SSC5D: variants seen among roughly 807,000 people sequenced by gnomAD.
SSC5D encodes the protein soluble scavenger receptor cysteine-rich domain-containing protein SSC5D.
In SSC5D, 106 loss-of-function variants were observed where a neutral mutation model predicts 104.6. That is an observed-to-expected ratio of 1.01 (90% CI 0.87 to 1.19). SSC5D has a LOEUF of 1.19. Ranked by LOEUF, SSC5D falls within the 50% of genes most tolerant of loss-of-function variation. SSC5D has a pLI of 0.00. For missense variants in SSC5D, 1,993 were observed against 2,153.8 expected (o/e 0.93, Z 1.48); for synonymous variants, 860 against 883.5 (o/e 0.97, Z 0.47).
chr19:55,495,235 T>TATATA (rs35787509), intron 8 of SSC5D, among the ~76,000 whole-genome samples: 36 of 27,566 alleles, frequency 1.3e-3, no homozygotes, highest in African/African-American at 3.4e-3. Flanking sequence ...ATATATATAT[T>TATATA]TTTTTTTTTT....
chr19:55,504,102 C>T (rs1202895743), intron 12 of SSC5D: 1 of 1,534,986 alleles, frequency 6.5e-7, no homozygotes, highest in Non-Finnish European at 8.7e-7. Context: ...TTAGAGCTAT[C>T]ATTCCGTTTC....
intron 12 of SSC5D, among the ~76,000 whole-genome samples, chr19:55,509,078 C>G (rs1444751505): frequency 6.6e-6 from 1 of 152,116 alleles, no homozygotes; most frequent in African/African-American, 2.4e-5. Flanking sequence ...GAAAGAGAAC[C>G]ATTTAGAACC....
At chr19:55,513,213 T>C (rs1400462983) in intron 13 of SSC5D, 41 bp downstream of exon 13, 1 of 1,449,498 alleles carries the variant, frequency 6.9e-7, no homozygotes, top group Non-Finnish European at 9.1e-7. Flanking sequence ...GGACGGTATT[T>C]GTCCTGGGGT....
chr19:55,493,692 C>T lies in SSC5D; in HGVS notation c.993C>T (p.Asp331=), dbSNP rs1282650303. 6.6e-6 allele frequency: 10 copies of T among 1,511,156 alleles called. No individual in the cohort carries two copies. The highest frequency in any genetic ancestry group is 2.2e-5 in the Admixed American group (1 of 45,436). The allele number at this position is 1,511,156 out of a possible 1,614,324, so 93.6% of individuals were successfully genotyped here. A position where few individuals can be genotyped will look rare whatever the true frequency, so the allele number is the denominator to read the frequency against. The change falls in exon 7 of 14, where the codon GAC becomes GAT. Residue 331 remains aspartate (D), a synonymous_variant. Transcript: ENST00000389623. The part of the protein sequence containing the change: ...HGGRWGSVCD[D]AWDLRDAAVA... ...GTCGCTGGGGGTCGGTGTGTGACGA[C>T]GCCTGGGACCTGCGAGACGCCGCTG...
Position 55,515,736 on chromosome 19 carries a change from A to AT in SSC5D, c.2948-1488_2948-1487insT, listed in dbSNP as rs1228951286. On this transcript the variant is annotated intron_variant, in intron 13 of 13. Transcript: ENST00000389623. ...GACAGAGTGAGACTCCGTCTCAAAA[A>AT]AAAAAATAAAATAAAATAAAAGAAA... 1.1e-4 allele frequency among the ~76,000 whole-genome samples: 17 copies of AT among 149,490 alleles called. 1 individual carries two copies. The highest frequency in any genetic ancestry group is 8.3e-4 in the South Asian group (4 of 4,798).
chr19:55,507,493 C>T (rs1427539001), intron 12 of SSC5D, among the ~76,000 whole-genome samples: 3 of 150,568 alleles, frequency 2.0e-5, no homozygotes, highest in Non-Finnish European at 4.4e-5. Flanking sequence ...GGTGAAATCC[C>T]GTCTCTACTA....
In SSC5D at chr19:55,489,430, C is replaced by T. The variant is rs76206863; in HGVS notation, c.129C>T (p.Thr43=). The T allele has an allele frequency of 6.9e-3, 10,327 of 1,490,862 alleles. 654 individuals carry two copies. The East Asian group carries it at 0.18, about 25-fold the overall frequency. 92.4% of individuals were successfully genotyped at this position (1,490,862 alleles called of 1,614,324 possible). Residue 43 remains threonine, a synonymous_variant, in exon 3 of 14, where the codon ACC becomes ACT. Coordinates refer to ENST00000389623, the MANE Select transcript of SSC5D (RefSeq NM_001144950.2). ...TCTGGCATGGCGGGCGCTGGGGCAC[C>T]GTGTGTGATGACGGCTGGGACCTGC... ...LEVWHGGRWG[T]VCDDGWDLRD...
chr19:55,504,542 C>G (rs567847371), intron 12 of SSC5D, among the ~76,000 whole-genome samples: 1 of 152,168 alleles, frequency 6.6e-6, no homozygotes, highest in South Asian at 2.1e-4. Context: ...GCTCTGTCAC[C>G]CACGCTGGAG....
intron 6 of SSC5D, chr19:55,491,416 G>A (rs1346277546): frequency 3.3e-5 from 9 of 272,154 alleles, no homozygotes; most frequent in Middle Eastern, 1.1e-3. Flanking sequence ...GTCCTGGAAC[G>A]CAAGAAGCCC....
rs1336519069 is a variant in SSC5D, at chr19:55,493,740, C to T, written c.1041C>T (p.Cys347=). 18 of 1,522,852 alleles carry T rather than the reference C, an allele frequency of 1.2e-5. No individual in the cohort carries two copies. The highest frequency in any genetic ancestry group is 1.8e-4 in the Middle Eastern group (1 of 5,598). 94.3% of individuals were successfully genotyped at this position (1,522,852 alleles called of 1,614,324 possible). ...DAAVACRELG[C]GGALAAPGGA... ...CTGTGGCCTGCCGAGAGCTGGGCTG[C>T]GGAGGGGCGCTGGCCGCCCCCGGGG... Residue 347 remains cysteine, a synonymous_variant, in exon 7 of 14, where the codon TGC becomes TGT. Transcript: ENST00000389623.
chr19:55,518,428 G>T lies in SSC5D; in HGVS notation c.4152G>T (p.Glu1384Asp). The T allele has an allele frequency of 6.4e-7, 1 of 1,550,840 alleles. No individual in the cohort carries two copies. Among genetic ancestry groups the T allele is most frequent in the Non-Finnish European group, 8.7e-7 (1 of 1,146,870 alleles). ...CCACATCCCAGATACCCACCTTAGA[G>T]CCCTCTCCAGCCTTGGAGTCCAGCC... ...HTSTSQIPTL[E>D]PSPALESSPS... Residue 1384 changes from glutamate (E) to aspartate (D), a missense_variant, in exon 14 of 14, where the codon GAG (glutamate) becomes GAT (aspartate). Physicochemically the swap from Glu to Asp is conservative, Grantham distance 45. Coordinates refer to ENST00000389623, the MANE Select transcript of SSC5D (RefSeq NM_001144950.2).
rs1461093121 is a variant in SSC5D, at chr19:55,511,345, G to A, written c.2786-1666G>A. On this transcript the variant is annotated intron_variant, in intron 12 of 13. Coordinates refer to ENST00000389623, the MANE Select transcript of SSC5D (RefSeq NM_001144950.2). ...TAGCCACAGAGCTTAAGGCGACATC[G>A]GTCAACTTGCCCAAGGTCTTGGACA... 4.6e-5 allele frequency among the ~76,000 whole-genome samples: 7 copies of A among 152,104 alleles called. No individual in the cohort carries two copies. In the South Asian group the frequency reaches 1.0e-3, roughly 23 times the overall value.
In SSC5D at chr19:55,518,460, G is replaced by T; in HGVS notation, c.4184G>T (p.Arg1395Met). 1 of 1,551,008 alleles carries T rather than the reference G, an allele frequency of 6.4e-7. No individual in the cohort carries two copies. Among genetic ancestry groups the T allele is most frequent in the Non-Finnish European group, 8.7e-7 (1 of 1,146,876 alleles). Residue 1395 changes from arginine (R) to methionine (M), a missense_variant, in exon 14 of 14, where the codon AGG (arginine) becomes ATG (methionine). Coordinates refer to ENST00000389623, the MANE Select transcript of SSC5D (RefSeq NM_001144950.2). Reference protein sequence around the residue: ...PSPALESSPSRSSTATSMDPL... With the variant: ...PSPALESSPSMSSTATSMDPL... ...CCAGCCTTGGAGTCCAGCCCCTCCAGGTCCTCCACAGCCACAAGCATGGAC... is the reference window on the plus strand; with the variant it reads ...CCAGCCTTGGAGTCCAGCCCCTCCATGTCCTCCACAGCCACAAGCATGGAC...
Position 55,500,808 on chromosome 19 carries a change from C to G in SSC5D, c.2617+4C>G, listed in dbSNP as rs759087302. On this transcript the variant is annotated splice_donor_region_variant and intron_variant, in intron 11 of 13. Coordinates refer to ENST00000389623, the MANE Select transcript of SSC5D (RefSeq NM_001144950.2). The surrounding 1 kb of genome is among the most constrained non-coding windows in gnomAD (Gnocchi z 4.6). Reference sequence around the variant, plus strand: ...GACGTGGGGCTCACCTGCACTGGTACCAGGGCATGGCGGCGGTGGTGGGGT... The same window carrying G: ...GACGTGGGGCTCACCTGCACTGGTAGCAGGGCATGGCGGCGGTGGTGGGGT... 4.5e-6 allele frequency: 7 copies of G among 1,545,188 alleles called. No homozygotes were observed. The South Asian group carries it at 8.4e-5, about 18-fold the overall frequency.
Position 55,500,721 on chromosome 19 carries a change from A to G in SSC5D, c.2534A>G (p.Glu845Gly). The G allele has an allele frequency of 6.4e-7, 1 of 1,551,650 alleles. No homozygotes were observed. The highest frequency in any genetic ancestry group is 8.7e-7 in the Non-Finnish European group (1 of 1,146,994). The change falls in exon 11 of 14, where the codon GAG becomes GGG. Residue 845 changes from glutamate (E) to glycine (G), a missense_variant. Physicochemically the swap from Glu to Gly is moderately conservative, Grantham distance 98. This residue lies in a region of SSC5D where 423 missense variants were observed against 409.2 expected (regional missense o/e 1.03). Coordinates refer to ENST00000389623, the MANE Select transcript of SSC5D (RefSeq NM_001144950.2). This position sits in a 1 kb window ranked among gnomAD's most constrained non-coding sequence, Gnocchi z 4.6. ...WLDDMGCKGSEASLSDCPSGA... is the reference protein window; with the variant it reads ...WLDDMGCKGSGASLSDCPSGA... Reference sequence around the variant, plus strand: ...GATGACATGGGCTGTAAGGGAAGCGAGGCCTCACTGAGCGACTGCCCCTCG... The same window carrying G: ...GATGACATGGGCTGTAAGGGAAGCGGGGCCTCACTGAGCGACTGCCCCTCG...
chr19:55,497,840 GCTTCCCCGACTCTAATT>G, intron 8 of SSC5D, 23 bp from the exon 9 acceptor site: 1 of 1,479,192 alleles, frequency 6.8e-7, no homozygotes, highest in Non-Finnish European at 9.0e-7. Context: ...AGGCTGGGCG[GCTTCCCCGACTCTAATT>G]CTTTGGGTCT....
intron 6 of SSC5D, chr19:55,492,122 G>C (rs1396955877): frequency 1.3e-5 from 2 of 152,316 alleles, no homozygotes; most frequent in Non-Finnish European, 2.9e-5. Context: ...CAGCCCGGAC[G>C]GGGTGGATCC....
chr19:55,496,168 A>C (rs1251930142), intron 8 of SSC5D, among the ~76,000 whole-genome samples: 2 of 152,088 alleles, frequency 1.3e-5, no homozygotes, highest in African/African-American at 2.4e-5. Flanking sequence ...GGTTGTCCTT[A>C]GTCATCTGGT....
Position 55,501,088 on chromosome 19 carries a change from A to G in SSC5D, c.2672A>G (p.Glu891Gly). ...TGGACCTGGGACCCCACCTCAAGAG[A>G]GGACCTGGCCAAGGGGACTACCACA... ...PPWTWDPTSR[E>G]DLAKGTTTAG... Residue 891 changes from glutamate (E) to glycine (G), a missense_variant, in exon 12 of 14, where the codon GAG becomes GGG. Coordinates refer to ENST00000389623, the MANE Select transcript of SSC5D (RefSeq NM_001144950.2). 6.4e-7 allele frequency: 1 copy of G among 1,551,760 alleles called. No individual in the cohort carries two copies. Among genetic ancestry groups the G allele is most frequent in the South Asian group, 1.2e-5 (1 of 84,050 alleles).
Sources: gnomAD v4.1 joint callset for allele counts (sites outside exome capture counted in the v4.1 genomes callset) on GRCh38, gnomAD v4.1.1 for gene constraint, gnomAD v4.1.1 regional missense constraint, Gnocchi (gnomAD v3.1) non-coding constraint, MANE v1.5 for transcripts, NCBI Gene and HGNC (gene_info 2026-07-23, HGNC 2026-07-21) for gene names.